NR6A1: variants seen among roughly 807,000 people sequenced by gnomAD.
The protein encoded by NR6A1 is nuclear receptor subfamily 6 group A member 1, also known as retinoic acid receptor-related testis-associated receptor.
NR6A1 carries 7 observed loss-of-function variants against 59.1 expected under a neutral mutation model. The ratio of observed to expected loss-of-function variants is 0.12; its 90% CI spans 0.07 to 0.22. The LOEUF (loss-of-function observed/expected upper bound fraction) is 0.22. Among genes scored for constraint, NR6A1 ranks in the 10% least tolerant of loss-of-function variants. NR6A1 has a pLI of 1.00. For synonymous variants in NR6A1, 243 were observed against 236.1 expected, an observed-to-expected ratio of 1.03 and a Z score of -0.27; for missense variants, 468 against 611.6, an observed-to-expected ratio of 0.77 and a Z score of 2.48.
At chr9:124,565,659 T>C (rs1052511202) in intron 2 of NR6A1, among the ~76,000 whole-genome samples, 1 of 151,774 alleles carries the variant, frequency 6.6e-6, no homozygotes. Flanking sequence ...AGTAGAAAAA[T>C]GTGTGAGACT....
intron 2 of NR6A1, among the ~76,000 whole-genome samples, chr9:124,588,839 G>A (rs759743247): frequency 6.8e-6 from 1 of 146,742 alleles, no homozygotes; most frequent in Non-Finnish European, 1.5e-5. Flanking sequence ...AGAATGGCGC[G>A]AACCCGGGAA....
At chr9:124,547,177 A>C (rs1234201058) in intron 3 of NR6A1, among the ~76,000 whole-genome samples, 1 of 152,264 alleles carries the variant, frequency 6.6e-6, no homozygotes, top group Admixed American at 6.5e-5. Flanking sequence ...TCTTCTCAGA[A>C]GGCACCACAA....
At chr9:124,652,783 G>C (rs1412232125) in intron 2 of NR6A1, among the ~76,000 whole-genome samples, 1 of 152,140 alleles carries the variant, frequency 6.6e-6, no homozygotes, top group East Asian at 1.9e-4. Flanking sequence ...CTCACACCCA[G>C]CTATTACTTT....
intron 2 of NR6A1, among the ~76,000 whole-genome samples, chr9:124,680,453 C>T (rs1388570686): frequency 6.6e-6 from 1 of 152,054 alleles, no homozygotes; most frequent in East Asian, 1.9e-4. Context: ...TCAGAAAATA[C>T]ATAGTGTTTA....
chr9:124,536,006 C>T lies in NR6A1; in HGVS notation c.951G>A (p.Thr317=), dbSNP rs373626645. The part of the protein sequence containing the change: ...FFCELSIKDY[T]CLLSSTWQEL... ...CCTGCCACGTAGAGCTCAAGAGGCA[C>T]GTGTAATCCTTGATTGAGAGCTCGC... Residue 317 remains threonine (T), a synonymous_variant, in exon 7 of 10, where the codon ACG becomes ACA. Transcript: ENST00000487099. 2.1e-4 allele frequency: 334 copies of T among 1,614,054 alleles called. No homozygotes were observed. The highest frequency in any genetic ancestry group is 8.2e-4 in the Middle Eastern group (5 of 6,082).
At chr9:124,534,941 G>A (rs1376431418) in intron 7 of NR6A1, among the ~76,000 whole-genome samples, 4 of 152,112 alleles carry the variant, frequency 2.6e-5, no homozygotes, top group Admixed American at 6.5e-5. Context: ...TGGCTAACAC[G>A]GTGAAACCCC....
At chr9:124,602,236 T>C (rs4838197) in intron 2 of NR6A1, among the ~76,000 whole-genome samples, 65,036 of 151,984 alleles carry the variant, frequency 0.43, 15,113 homozygotes, top group Admixed American at 0.57. Context: ...TAAGTCCTTT[T>C]TGAATGAAAA....
At chr9:124,627,688 C>T (rs1336637634) in intron 2 of NR6A1, among the ~76,000 whole-genome samples, 4 of 152,162 alleles carry the variant, frequency 2.6e-5, no homozygotes, top group African/African-American at 9.7e-5. Flanking sequence ...CCTCCTGCCT[C>T]AGCCTCCTAA....
At chr9:124,736,973 T>C (rs1010660200) in intron 1 of NR6A1, among the ~76,000 whole-genome samples, 2 of 152,238 alleles carry the variant, frequency 1.3e-5, no homozygotes, top group African/African-American at 4.8e-5. Flanking sequence ...GCTGTGTCTA[T>C]GGAAGCAAAG....
At chr9:124,732,788 C>G (rs2131128214) in intron 2 of NR6A1, among the ~76,000 whole-genome samples, 1 of 152,002 alleles carries the variant, frequency 6.6e-6, no homozygotes, top group Non-Finnish European at 1.5e-5. Flanking sequence ...CCTCTACTTC[C>G]CGGGTTCAAG....
intron 2 of NR6A1, among the ~76,000 whole-genome samples, chr9:124,727,181 T>C (rs936988725): frequency 1.7e-4 from 26 of 152,222 alleles, no homozygotes; most frequent in African/African-American, 6.0e-4. Context: ...CTACAACATA[T>C]GTCATCTTAT....
chr9:124,735,714 C>T (rs777455720), intron 1 of NR6A1, among the ~76,000 whole-genome samples: 17 of 152,134 alleles, frequency 1.1e-4, no homozygotes, highest in Non-Finnish European at 2.5e-4. Flanking sequence ...GTGTCTTAGT[C>T]CATTCAGACT....
intron 2 of NR6A1, among the ~76,000 whole-genome samples, chr9:124,601,736 G>A (rs1480303769): frequency 6.6e-6 from 1 of 152,044 alleles, no homozygotes; most frequent in Non-Finnish European, 1.5e-5. Context: ...GCAGAGGTGT[G>A]TGGATCGTTT....
rs1386944063 is a variant in NR6A1, at chr9:124,519,816, G to A, written c.*2889C>T. ...ACTCAGGAGGCTGAGGCAGGAGAATGGCATGAACCCGGGAGGCGGAGCTTG... is the reference window on the plus strand; with the variant it reads ...ACTCAGGAGGCTGAGGCAGGAGAATAGCATGAACCCGGGAGGCGGAGCTTG... On this transcript the variant is annotated 3_prime_UTR_variant, in exon 10 of 10. Coordinates refer to ENST00000487099, the MANE Select transcript of NR6A1 (RefSeq NM_033334.4). 1 of 148,716 alleles carries A rather than the reference G, an allele frequency of 6.7e-6. No individual in the cohort carries two copies. Among genetic ancestry groups the A allele is most frequent in the East Asian group, 2.0e-4 (1 of 5,038 alleles). The allele number at this position is 148,716 out of a possible 1,614,324, so 9.2% of individuals were successfully genotyped here.
chr9:124,568,169 CAAAAAAAAAA>C (rs34652433), intron 2 of NR6A1, among the ~76,000 whole-genome samples: 558 of 30,464 alleles, frequency 0.018, 15 homozygotes, highest in Middle Eastern at 0.071. Context: ...TACTTCATCT[CAAAAAAAAAA>C]AAAAAAAAAA....
At chr9:124,553,549 C>CTTTTTTTTTTTGTT (rs1833840651) in intron 3 of NR6A1, among the ~76,000 whole-genome samples, 1 of 47,318 alleles carries the variant, frequency 2.1e-5, no homozygotes, top group Non-Finnish European at 4.0e-5. Flanking sequence ...TTTAGCTTGA[C>CTTTTTTTTTTTGTT]TTTTTTTTTT....
chr9:124,573,137 T>C (rs765057715), intron 2 of NR6A1, among the ~76,000 whole-genome samples: 6 of 152,228 alleles, frequency 3.9e-5, no homozygotes, highest in African/African-American at 7.2e-5. Context: ...ATCTAGTCTT[T>C]GGAGGAAAAA....
intron 2 of NR6A1, among the ~76,000 whole-genome samples, chr9:124,687,287 A>ATTAATTAATTAT (rs1554744766): frequency 1.6e-5 from 1 of 60,612 alleles, no homozygotes; most frequent in Non-Finnish European, 3.0e-5. Flanking sequence ...CAGCCAGCTA[A>ATTAATTAATTAT]TTAATTATTT....
chr9:124,571,922 TA>T (rs777759158), intron 2 of NR6A1, among the ~76,000 whole-genome samples: 182 of 143,202 alleles, frequency 1.3e-3, no homozygotes, highest in African/African-American at 2.6e-3. Context: ...TTACTTACCA[TA>T]AAAAAAAAAA....
Sources: gnomAD v4.1 joint callset for allele counts (sites outside exome capture counted in the v4.1 genomes callset) on GRCh38, gnomAD v4.1.1 for gene constraint, MANE v1.5 for transcripts, NCBI Gene and HGNC (gene_info 2026-07-23, HGNC 2026-07-21) for gene names.